Variants in FILIP1L observed in about 807,000 individuals in gnomAD.
FILIP1L encodes the protein filamin A interacting protein 1 like.
Under a neutral mutation model 96.6 loss-of-function variants are expected in FILIP1L, and 55 were observed. The ratio of observed to expected loss-of-function variants is 0.57; its 90% CI spans 0.46 to 0.71. FILIP1L has a LOEUF of 0.71. FILIP1L is among the 30% of genes least tolerant of loss of function. The pLI is 0.00. For missense variants in FILIP1L, 1,304 were observed against 1,321.2 expected (o/e 0.99, Z 0.20); for synonymous variants, 467 against 473.9 (o/e 0.99, Z 0.19).
At chr3:99,906,923 G>A (rs12486901) in intron 4 of FILIP1L, among the ~76,000 whole-genome samples, 14,636 of 152,148 alleles carry the variant, frequency 0.096, 838 homozygotes, top group African/African-American at 0.16. Flanking sequence ...TTGATCATGT[G>A]GATGAAGACA....
chr3:99,922,690 TG>T (rs1309773685), intron 4 of FILIP1L, among the ~76,000 whole-genome samples: 1 of 152,214 alleles, frequency 6.6e-6, no homozygotes, highest in African/African-American at 2.4e-5. Context: ...GAGGGTTAAT[TG>T]TCCTTTCAGT....
rs1348460970 is a variant in FILIP1L, at chr3:99,829,472, G to T, written c.*942C>A. Among the ~76,000 whole-genome samples the T allele has an allele frequency of 6.6e-6, 1 of 152,118 alleles. No homozygotes were observed. The highest frequency in any genetic ancestry group is 1.5e-5 in the Non-Finnish European group (1 of 68,022). ...TTCAACATTTTGTATTAATAGTTGG[G>T]CATATTCATAGGTTATCAGAACTGG... On this transcript the variant is annotated 3_prime_UTR_variant, in exon 6 of 6. Coordinates refer to ENST00000477258, the MANE Select transcript of FILIP1L (RefSeq NM_001387850.1).
At chr3:100,009,730 G>A (rs1043885034) in intron 1 of FILIP1L, among the ~76,000 whole-genome samples, 17 of 152,200 alleles carry the variant, frequency 1.1e-4, no homozygotes, top group Non-Finnish European at 4.4e-5. Context: ...AGTCATAGGA[G>A]GCAAAGATAT....
intron 1 of FILIP1L, among the ~76,000 whole-genome samples, chr3:100,004,327 G>C (rs966064273): frequency 7.9e-5 from 12 of 152,154 alleles, no homozygotes; most frequent in African/African-American, 2.2e-4. Flanking sequence ...TATAATGGTA[G>C]CTGAACATAT....
Position 99,876,359 on chromosome 3 carries a change from C to T in FILIP1L, c.606-25289G>A, listed in dbSNP as rs1705521122. Among the ~76,000 whole-genome samples, 9 of 152,234 alleles carry T rather than the reference C, an allele frequency of 5.9e-5. No homozygotes were observed. In the South Asian group the frequency reaches 1.9e-3, roughly 32 times the overall value. On this transcript the variant is annotated intron_variant, in intron 4 of 5. Coordinates refer to ENST00000477258, the MANE Select transcript of FILIP1L (RefSeq NM_001387850.1). ...CGGCCGTGTGAACGGACCGTGGTTC[C>T]CGGCTCCCAGCGGAGGGAATGAGTG...
intron 4 of FILIP1L, among the ~76,000 whole-genome samples, chr3:99,872,269 C>CTCTGTGTGTGTG (rs1457646701): frequency 2.7e-5 from 3 of 110,740 alleles, no homozygotes; most frequent in Non-Finnish European, 5.6e-5. Flanking sequence ...TGTGCCAGGA[C>CTCTGTGTGTGTG]TGTGTGTGTG....
intron 1 of FILIP1L, among the ~76,000 whole-genome samples, chr3:100,027,086 T>C (rs1350088408): frequency 1.3e-5 from 2 of 152,146 alleles, no homozygotes; most frequent in Non-Finnish European, 2.9e-5. Flanking sequence ...TTAAATGTCA[T>C]CTTCTCAGTG....
intron 1 of FILIP1L, among the ~76,000 whole-genome samples, chr3:99,938,012 A>G (rs1388820168): frequency 6.6e-6 from 1 of 152,100 alleles, no homozygotes; most frequent in Non-Finnish European, 1.5e-5. Flanking sequence ...ATTAATATCA[A>G]TTTCAGGGCA....
chr3:100,031,749 T>C (rs570929390), intron 1 of FILIP1L, among the ~76,000 whole-genome samples: 141 of 152,284 alleles, frequency 9.3e-4, no homozygotes, highest in African/African-American at 3.2e-3. Flanking sequence ...TTTACGTTTA[T>C]TTGCCTCACT....
At chr3:99,893,538 T>C (rs753769017) in intron 4 of FILIP1L, among the ~76,000 whole-genome samples, 1 of 152,226 alleles carries the variant, frequency 6.6e-6, no homozygotes, top group Non-Finnish European at 1.5e-5. Flanking sequence ...GAATTTGAAG[T>C]CTTCTCAATC....
chr3:100,081,175 C>T lies in FILIP1L; in HGVS notation c.-11+32878G>A, dbSNP rs9830284. ...CAGACCACCTCCATGGTTCATAATC[C>T]TCTCTCAAGATGGAACTTCACCGAA... On this transcript the variant is annotated intron_variant, in intron 1 of 5. Coordinates refer to ENST00000477258, the MANE Select transcript of FILIP1L (RefSeq NM_001387850.1). Among the ~76,000 whole-genome samples the T allele has an allele frequency of 5.0e-3, 760 of 152,246 alleles. 5 individuals are homozygous for T. Among genetic ancestry groups the T allele is most frequent in the African/African-American group, 0.017 (715 of 41,530 alleles).
Position 99,848,018 on chromosome 3 carries a change from AATAC to A in FILIP1L, c.3381+273_3381+276del. On this transcript the variant is annotated intron_variant, in intron 5 of 5. Coordinates refer to ENST00000477258, the MANE Select transcript of FILIP1L (RefSeq NM_001387850.1). ...AATTAAAGTGAGTTATGGAAAATGAAATACATAAAGATGTATTTATACAAGTGCA... is the reference window on the plus strand; with the variant it reads ...AATTAAAGTGAGTTATGGAAAATGAAATAAAGATGTATTTATACAAGTGCA... 6 of 1,138,300 alleles carry A rather than the reference AATAC, an allele frequency of 5.3e-6. No individual in the cohort carries two copies. The South Asian group carries it at 2.3e-4, about 44-fold the overall frequency. 70.5% of individuals were successfully genotyped at this position (1,138,300 alleles called of 1,614,324 possible).
At chr3:100,063,097 C>T (rs1379373126) in intron 1 of FILIP1L, among the ~76,000 whole-genome samples, 2 of 152,168 alleles carry the variant, frequency 1.3e-5, no homozygotes, top group African/African-American at 2.4e-5. Context: ...TTATATGCCT[C>T]TTTGTCATTA....
chr3:100,025,137 T>G (rs1471845760), intron 1 of FILIP1L, among the ~76,000 whole-genome samples: 1 of 152,174 alleles, frequency 6.6e-6, no homozygotes, highest in Non-Finnish European at 1.5e-5. Context: ...TTCCCAATTC[T>G]GTCAATGACC....
chr3:99,846,094 A>T (rs1446806822), intron 5 of FILIP1L, among the ~76,000 whole-genome samples: 1 of 152,230 alleles, frequency 6.6e-6, no homozygotes, highest in African/African-American at 2.4e-5. Context: ...TGAATAGCCC[A>T]AATTTGGCTC....
At chr3:100,083,357 C>T (rs1300405708) in intron 1 of FILIP1L, among the ~76,000 whole-genome samples, 1 of 152,228 alleles carries the variant, frequency 6.6e-6, no homozygotes, top group East Asian at 1.9e-4. Flanking sequence ...GGAACAGCAG[C>T]ATCAGCATTA....
chr3:99,836,888 G>T (rs1338587149), intron 5 of FILIP1L, among the ~76,000 whole-genome samples: 1 of 152,174 alleles, frequency 6.6e-6, no homozygotes, highest in African/African-American at 2.4e-5. Context: ...TCGCAGAAAG[G>T]TTTGCCACTT....
chr3:100,021,797 TCC>T (rs1341940252), intron 1 of FILIP1L, among the ~76,000 whole-genome samples: 2 of 152,146 alleles, frequency 1.3e-5, no homozygotes, highest in African/African-American at 4.8e-5. Flanking sequence ...GCTTTAGATA[TCC>T]CCTAAATGAT....
chr3:100,030,485 G>A (rs1387165365), intron 1 of FILIP1L, among the ~76,000 whole-genome samples: 6 of 152,042 alleles, frequency 3.9e-5, no homozygotes, highest in Admixed American at 1.3e-4. Context: ...AGGCATTATT[G>A]CTCATTCTCA....
Sources: allele counts gnomAD v4.1 joint callset (sites outside exome capture counted in the v4.1 genomes callset), GRCh38; gene constraint gnomAD v4.1.1; transcripts MANE v1.5; gene names NCBI Gene and HGNC (gene_info 2026-07-23, HGNC 2026-07-21).